Variants in ALDH4A1 observed in about 807,000 individuals in gnomAD.
The protein encoded by ALDH4A1 is aldehyde dehydrogenase 4 family member A1.
Under a neutral mutation model 70.5 loss-of-function variants are expected in ALDH4A1, and 46 were observed. The observed-to-expected ratio is 0.65, with a 90% CI of 0.51 to 0.83. The LOEUF (loss-of-function observed/expected upper bound fraction) is 0.83. ALDH4A1 is among the 40% of genes least tolerant of loss of function. The pLI, the probability that ALDH4A1 is intolerant of heterozygous loss-of-function variation, is 0.00. For synonymous variants in ALDH4A1, 323 were observed against 324.3 expected, an observed-to-expected ratio of 1.00 and a Z score of 0.04; for missense variants, 749 against 766.5, an observed-to-expected ratio of 0.98 and a Z score of 0.27.
intron 5 of ALDH4A1, chr1:18,885,230 CAG>C (rs1283082453): frequency 8.7e-6 from 5 of 572,702 alleles, no homozygotes; most frequent in Non-Finnish European, 1.6e-5. Context: ...GGAGCGAGGA[CAG>C]AGGGATGGAG....
intron 9 of ALDH4A1, 86 bp downstream of exon 9, chr1:18,879,214 A>ATCCCCTCT: frequency 7.4e-7 from 1 of 1,359,302 alleles, no homozygotes; most frequent in South Asian, 1.3e-5. Context: ...TTGTGGCTGG[A>ATCCCCTCT]TCCCCTCTAC....
chr1:18,896,586 G>A (rs772034625), intron 1 of ALDH4A1, among the ~76,000 whole-genome samples: 3 of 152,176 alleles, frequency 2.0e-5, no homozygotes, highest in African/African-American at 2.4e-5. Flanking sequence ...GGCCCAGGGC[G>A]GGGCCTGGAG....
chr1:18,890,268 A>G (rs1935385667), intron 1 of ALDH4A1, 163 bp from the exon 2 acceptor site: 4 of 626,310 alleles, frequency 6.4e-6, no homozygotes, highest in Non-Finnish European at 1.1e-5. Flanking sequence ...TGGGCTGGGC[A>G]TGGTGGCTCA....
chr1:18,880,052 T>C lies in ALDH4A1; in HGVS notation c.867-679A>G, dbSNP rs1934904931. ...GCTCATCAGAGCGTGGAGAATGGGGTCCAGGCCCGCTCCGCCCGCTGATAG... is the reference window on the plus strand; with the variant it reads ...GCTCATCAGAGCGTGGAGAATGGGGCCCAGGCCCGCTCCGCCCGCTGATAG... On this transcript the variant is annotated intron_variant, in intron 8 of 14. Transcript: ENST00000375341. This position sits in a 1 kb window ranked among gnomAD's most constrained non-coding sequence, Gnocchi z 5.1. Among the ~76,000 whole-genome samples the C allele has an allele frequency of 6.6e-6, 1 of 151,952 alleles. No homozygotes were observed. The highest frequency in any genetic ancestry group is 2.4e-5 in the African/African-American group (1 of 41,292).
At chr1:18,900,886 T>C in intron 1 of ALDH4A1, 1 of 985,352 alleles carries the variant, frequency 1.0e-6, no homozygotes, top group Non-Finnish European at 1.2e-6. Flanking sequence ...GGCTCGGTGT[T>C]AGGCCCATGG....
intron 7 of ALDH4A1, 69 bp from the exon 8 acceptor site, chr1:18,881,956 C>T (rs906267467): frequency 7.0e-7 from 1 of 1,430,204 alleles, no homozygotes; most frequent in African/African-American, 1.5e-5. Context: ...CCCCACCCTA[C>T]CCTACAGCAT....
rs552616799 is a variant in ALDH4A1, at chr1:18,880,876, C to T, written c.866+824G>A. On this transcript the variant is annotated intron_variant, in intron 8 of 14. Coordinates refer to ENST00000375341, the MANE Select transcript of ALDH4A1 (RefSeq NM_003748.4). This position sits in a 1 kb window ranked among gnomAD's most constrained non-coding sequence, Gnocchi z 5.1. Reference sequence around the variant, plus strand: ...ATCTCTGCCTGACACAGAACTCTGACTCAGCCACTCTCCCTGCTTGAAGCC... The same window carrying T: ...ATCTCTGCCTGACACAGAACTCTGATTCAGCCACTCTCCCTGCTTGAAGCC... 6.6e-6 allele frequency among the ~76,000 whole-genome samples: 1 copy of T among 152,302 alleles called. No homozygotes were observed. Among genetic ancestry groups the T allele is most frequent in the East Asian group, 1.9e-4 (1 of 5,174 alleles).
intron 5 of ALDH4A1, among the ~76,000 whole-genome samples, chr1:18,884,262 T>C (rs904265831): frequency 6.6e-6 from 1 of 152,136 alleles, no homozygotes; most frequent in African/African-American, 2.4e-5. Context: ...GCTGAGCCAA[T>C]CTAAGAAGGC....
intron 1 of ALDH4A1, among the ~76,000 whole-genome samples, chr1:18,895,384 C>T (rs1378424265): frequency 6.6e-6 from 1 of 152,002 alleles, no homozygotes; most frequent in Non-Finnish European, 1.5e-5. Context: ...ACCTCCTGCA[C>T]TGGAAGTTGT....
At chr1:18,896,215 C>T (rs1157585958) in intron 1 of ALDH4A1, among the ~76,000 whole-genome samples, 1 of 152,174 alleles carries the variant, frequency 6.6e-6, no homozygotes, top group Admixed American at 6.5e-5. Flanking sequence ...AGGCTCCACA[C>T]AGCCAGCCCG....
At position 18,886,500 on chromosome 1, in the gene ALDH4A1, A is replaced by G. The variant is rs1935208077; in HGVS notation, c.261T>C (p.His87=). The G allele has an allele frequency of 3.1e-6, 5 of 1,614,010 alleles. No individual in the cohort carries two copies. The highest frequency in any genetic ancestry group is 4.2e-6 in the Non-Finnish European group (5 of 1,180,006). The change falls in exon 4 of 15, where the codon CAT becomes CAC. Residue 87 remains histidine, a synonymous_variant. Coordinates refer to ENST00000375341, the MANE Select transcript of ALDH4A1 (RefSeq NM_003748.4). ...DVQYQVSPFN[H]GHKVAKFCYA... is the part of the protein sequence containing the mutation. ...AACAGAACTTGGCCACCTTATGTCCATGGTTAAAAGGCTGAAAGGAGAGAA... is the reference window on the plus strand; with the variant it reads ...AACAGAACTTGGCCACCTTATGTCCGTGGTTAAAAGGCTGAAAGGAGAGAA...
intron 1 of ALDH4A1, chr1:18,900,955 T>G: frequency 1.0e-6 from 1 of 966,580 alleles, no homozygotes; most frequent in Non-Finnish European, 1.2e-6. Context: ...GAATATGGAT[T>G]GCTTTCTACT....
Position 18,890,039 on chromosome 1 carries a change from G to A in ALDH4A1, c.129C>T (p.Gly43=). Residue 43 remains glycine (G), a synonymous_variant, in exon 2 of 15, where the codon GGC becomes GGT. Coordinates refer to ENST00000375341, the MANE Select transcript of ALDH4A1 (RefSeq NM_003748.4). ...TTTGCAGGGCATCTCGCTCAGGGCT[G>A]CCCTGCGTGAAGGCTAAGACGGGCT... is the stretch of plus-strand genomic sequence containing the variant. ...ANEPVLAFTQ[G]SPERDALQKA... 3 of 1,612,394 alleles carry A rather than the reference G, an allele frequency of 1.9e-6. No homozygotes were observed. The highest frequency in any genetic ancestry group is 2.2e-5 in the East Asian group (1 of 44,848).
chr1:18,889,438 T>C lies in ALDH4A1; in HGVS notation c.173A>G (p.Lys58Arg). 1 of 1,551,982 alleles carries C rather than the reference T, an allele frequency of 6.4e-7. No homozygotes were observed. The highest frequency in any genetic ancestry group is 8.7e-7 in the Non-Finnish European group (1 of 1,147,134). Residue 58 changes from lysine (K) to arginine (R), a missense_variant, in exon 3 of 15, where the codon AAG (lysine) becomes AGG (arginine). Coordinates refer to ENST00000375341, the MANE Select transcript of ALDH4A1 (RefSeq NM_003748.4). ...DALQKALKDL[K>R]GRMEAIPCVV... ...GCATGGGATGGCTTCCATCCGGCCC[T>C]TCAGGTCCTTCAAGGCCTGGGGAGA...
At chr1:18,887,937 T>C (rs377697939) in intron 3 of ALDH4A1, among the ~76,000 whole-genome samples, 1 of 152,232 alleles carries the variant, frequency 6.6e-6, no homozygotes, top group South Asian at 2.1e-4. Context: ...TGGTGAACGC[T>C]AGCATGACCA....
intron 8 of ALDH4A1, among the ~76,000 whole-genome samples, chr1:18,881,278 C>T (rs1934954852): frequency 6.6e-6 from 1 of 152,148 alleles, no homozygotes; most frequent in Non-Finnish European, 1.5e-5. Flanking sequence ...ATATATTCTT[C>T]TCCTGCCTCT....
rs373007200 is a variant in ALDH4A1 at position 18,900,882 on chromosome 1, G to GT, written c.62+1579dup. 2.5e-4 allele frequency: 246 copies of GT among 985,322 alleles called. No homozygotes were observed. The African/African-American group carries it at 4.1e-3, about 16-fold the overall frequency. The allele number at this position is 985,322 out of a possible 1,614,324, so 61.0% of individuals were successfully genotyped here. On this transcript the variant is annotated intron_variant, in intron 1 of 14. Coordinates refer to ENST00000375341, the MANE Select transcript of ALDH4A1 (RefSeq NM_003748.4). ...GAATGAGACAGTACTTACCGGCTCG[G>GT]TGTTAGGCCCATGGTGCTTGATTGC... is the stretch of plus-strand genomic sequence containing the variant.
In ALDH4A1 at chr1:18,902,210, C is replaced by T. The variant is rs951385866; in HGVS notation, c.62+252G>A. The stretch of plus-strand genomic sequence containing the variant: ...GGCAGGGCCACCGAGGCACCCTACT[C>T]GGTCGCAGGATTCGGGAAGAGGGGT... On this transcript the variant is annotated intron_variant, in intron 1 of 14. Coordinates refer to ENST00000375341, the MANE Select transcript of ALDH4A1 (RefSeq NM_003748.4). Among the ~76,000 whole-genome samples, 5 of 152,132 alleles carry T rather than the reference C, an allele frequency of 3.3e-5. No homozygotes were observed. The South Asian group carries it at 8.3e-4, about 25-fold the overall frequency.
Position 18,902,527 on chromosome 1 carries a change from G to T in ALDH4A1, c.-4C>A, listed in dbSNP as rs9426797. 0.03 allele frequency: 44,508 copies of T among 1,484,348 alleles called. 787 individuals are homozygous for T. Among genetic ancestry groups the T allele is most frequent in the Middle Eastern group, 0.065 (376 of 5,792 alleles). 91.9% of individuals were successfully genotyped at this position (1,484,348 alleles called of 1,614,324 possible). ...GCGCGGGCGCCGGCAGCAGCATCTC[G>T]GGTTAGAAGCGGGGCTGTTCGCTGG... On this transcript the variant is annotated 5_prime_UTR_variant, in exon 1 of 15. Coordinates refer to ENST00000375341, the MANE Select transcript of ALDH4A1 (RefSeq NM_003748.4).
Sources: gnomAD v4.1 joint callset for allele counts (sites outside exome capture counted in the v4.1 genomes callset) on GRCh38, gnomAD v4.1.1 for gene constraint, Gnocchi (gnomAD v3.1) non-coding constraint, MANE v1.5 for transcripts, NCBI Gene and HGNC (gene_info 2026-07-23, HGNC 2026-07-21) for gene names.